Variants in SYNE2 observed in about 807,000 individuals in gnomAD.
SYNE2 encodes nesprin-2.
Under a neutral mutation model 856.3 loss-of-function variants are expected in SYNE2, and 431 were observed. The observed-to-expected ratio is 0.50, with a 90% CI of 0.47 to 0.55. The LOEUF is 0.55. Among genes scored for constraint, SYNE2 ranks in the 20% least tolerant of loss-of-function variants. The pLI, the probability that SYNE2 is intolerant of heterozygous loss-of-function variation, is 0.00. For synonymous variants in SYNE2, 2,923 were observed against 2,872.3 expected (o/e 1.02, Z -0.56); for missense variants, 8,129 against 8,023.2 (o/e 1.01, Z -0.50).
intron 60 of SYNE2, 95 bp from the exon 61 acceptor site, chr14:64,093,254 G>A: frequency 7.0e-7 from 1 of 1,426,444 alleles, no homozygotes; most frequent in Non-Finnish European, 9.8e-7. Flanking sequence ...TTTGCTGTGA[G>A]TGATTAAAAC....
At position 64,186,583 on chromosome 14, in the gene SYNE2, A is replaced by T; in HGVS notation, c.17712+4A>T. ...ATGGGAGGACCTCTGCTTAAGGGTA[A>T]GTCAGCTCACTGCAGGGCACGGCTG... On this transcript the variant is annotated splice_donor_region_variant and intron_variant, in intron 97 of 115. Coordinates refer to ENST00000555002, the MANE Select transcript of SYNE2 (RefSeq NM_182914.3). The T allele has an allele frequency of 6.2e-7, 1 of 1,614,164 alleles. No homozygotes were observed. The highest frequency in any genetic ancestry group is 8.5e-7 in the Non-Finnish European group (1 of 1,180,008).
intron 2 of SYNE2, among the ~76,000 whole-genome samples, chr14:63,933,928 G>A (rs1210505680): frequency 1.3e-5 from 2 of 152,130 alleles, no homozygotes; most frequent in African/African-American, 2.4e-5. Flanking sequence ...GCTATTTGGC[G>A]CTGGTTCCCA....
At chr14:64,061,427 G>A (rs1017971479) in intron 49 of SYNE2, among the ~76,000 whole-genome samples, 9 of 152,156 alleles carry the variant, frequency 5.9e-5, no homozygotes, top group African/African-American at 2.2e-4. Flanking sequence ...AAAAGGTTAT[G>A]TACATCTTAC....
At chr14:63,820,009 T>C (rs1338520889) in intron 1 of SYNE2, among the ~76,000 whole-genome samples, 1 of 152,030 alleles carries the variant, frequency 6.6e-6, no homozygotes, top group Non-Finnish European at 1.5e-5. Flanking sequence ...TAGAAGGAAT[T>C]AAAAGTCTTT....
rs944538946 is a variant in SYNE2 at position 64,170,404 on chromosome 14, T to C, written c.17177T>C (p.Val5726Ala). The C allele has an allele frequency of 7.4e-6, 12 of 1,614,050 alleles. No individual in the cohort carries two copies. The highest frequency in any genetic ancestry group is 9.3e-6 in the Non-Finnish European group (11 of 1,180,046). ...LTDTSHLLSA[V>A]KGQERFSLYQ... Reference sequence around the variant, plus strand: ...GACACCAGCCACCTGCTATCTGCAGTGAAGGGCCAGGAGCGCTTCAGCCTC... The same window carrying C: ...GACACCAGCCACCTGCTATCTGCAGCGAAGGGCCAGGAGCGCTTCAGCCTC... The change falls in exon 94 of 116, where the codon GTG becomes GCG. Residue 5726 changes from valine to alanine, a missense_variant. Coordinates refer to ENST00000555002, the MANE Select transcript of SYNE2 (RefSeq NM_182914.3).
At chr14:64,158,151 T>C (rs2098300421) in intron 85 of SYNE2, among the ~76,000 whole-genome samples, 1 of 152,226 alleles carries the variant, frequency 6.6e-6, no homozygotes, top group Non-Finnish European at 1.5e-5. Flanking sequence ...ATAATCAGAC[T>C]TAAGTGCCAG....
chr14:64,114,195 C>T (rs773367151), intron 66 of SYNE2, among the ~76,000 whole-genome samples: 25 of 152,052 alleles, frequency 1.6e-4, no homozygotes, highest in Non-Finnish European at 3.1e-4. Context: ...ACTTCCTTGC[C>T]GCTAGTCGCT....
At chr14:64,158,108 T>A (rs1272512754) in intron 85 of SYNE2, among the ~76,000 whole-genome samples, 1 of 152,232 alleles carries the variant, frequency 6.6e-6, no homozygotes, top group Non-Finnish European at 1.5e-5. Flanking sequence ...TGGTAGAGCA[T>A]GTTCCTCTCC....
intron 2 of SYNE2, among the ~76,000 whole-genome samples, chr14:63,916,802 C>G (rs577086181): frequency 6.6e-6 from 1 of 151,964 alleles, no homozygotes; most frequent in Non-Finnish European, 1.5e-5. Flanking sequence ...AAAAGCTTCT[C>G]GGCTGGTGCA....
intron 64 of SYNE2, among the ~76,000 whole-genome samples, chr14:64,106,897 T>C (rs2097775363): frequency 6.6e-6 from 1 of 152,250 alleles, no homozygotes; most frequent in African/African-American, 2.4e-5. Context: ...CTAGAATTTA[T>C]TGTTAGGAGT....
intron 53 of SYNE2, 69 bp downstream of exon 53, chr14:64,074,205 G>A (rs2097437562): frequency 6.6e-7 from 1 of 1,516,742 alleles, no homozygotes; most frequent in African/African-American, 1.4e-5. Flanking sequence ...AGTCCTTGGG[G>A]TAGAGATAAC....
intron 1 of SYNE2, among the ~76,000 whole-genome samples, chr14:63,900,200 T>A (rs1241907868): frequency 6.6e-6 from 1 of 152,226 alleles, no homozygotes; most frequent in Non-Finnish European, 1.5e-5. Context: ...TGTTGTGAGA[T>A]TGCAAGCCCA....
intron 61 of SYNE2, among the ~76,000 whole-genome samples, 194 bp from the exon 62 acceptor site, chr14:64,097,755 A>G (rs147803748): frequency 9.5e-4 from 145 of 152,352 alleles, no homozygotes; most frequent in Non-Finnish European, 1.4e-3. Context: ...CCTATAGCTT[A>G]TAAACCCTAC....
rs774713853 is a variant in SYNE2, at chr14:64,080,653, C to T, written c.11346+15C>T. The T allele has an allele frequency of 6.2e-6, 10 of 1,612,438 alleles. No individual in the cohort carries two copies. Among genetic ancestry groups the T allele is most frequent in the South Asian group, 3.3e-5 (3 of 90,854 alleles). On this transcript the variant is annotated intron_variant, in intron 56 of 115. Transcript: ENST00000555002. ...AGTTGAATAAGGTATGGCTGTGACT[C>T]GTAATAGCTTCATATCATGTGGTGG...
At chr14:64,196,472 A>G (rs553283078) in intron 99 of SYNE2, among the ~76,000 whole-genome samples, 14 of 152,168 alleles carry the variant, frequency 9.2e-5, no homozygotes, top group Non-Finnish European at 1.8e-4. Flanking sequence ...ATTTTTTTGC[A>G]CAAAGCAGAT....
chr14:64,113,723 C>A, intron 66 of SYNE2, 152 bp downstream of exon 66: 1 of 838,468 alleles, frequency 1.2e-6, no homozygotes, highest in Non-Finnish European at 1.9e-6. Flanking sequence ...CAGGGTAATT[C>A]TTTGAAATGC....
At chr14:64,055,090 A>G (rs758423220) in intron 48 of SYNE2, among the ~76,000 whole-genome samples, 7 of 152,214 alleles carry the variant, frequency 4.6e-5, no homozygotes, top group Non-Finnish European at 7.3e-5. Flanking sequence ...TATTTCAATG[A>G]GATGACTCAA....
At chr14:64,023,005 G>C (rs1215253423) in intron 38 of SYNE2, 142 bp downstream of exon 38, 4 of 637,344 alleles carry the variant, frequency 6.3e-6, no homozygotes, top group Non-Finnish European at 1.1e-5. Context: ...GAGGCTGGTG[G>C]ATCACTTGAG....
chr14:63,796,496 A>G lies in SYNE2; in HGVS notation c.-305+34510A>G, dbSNP rs1003748232. On this transcript the variant is annotated intron_variant, in intron 1 of 23. Coordinates refer to the SYNE2 transcript ENST00000674003. Reference sequence around the variant, plus strand: ...TTTTGATGAGATTTTAAAAGGTTTGATAAAGAAGAATCATTCAGAATCTCT... The same window carrying G: ...TTTTGATGAGATTTTAAAAGGTTTGGTAAAGAAGAATCATTCAGAATCTCT... 1.3e-4 allele frequency among the ~76,000 whole-genome samples: 19 copies of G among 151,896 alleles called. 1 individual carries two copies. The highest frequency in any genetic ancestry group is 4.4e-4 in the African/African-American group (18 of 41,364).
Sources: allele counts gnomAD v4.1 joint callset (sites outside exome capture counted in the v4.1 genomes callset), GRCh38; gene constraint gnomAD v4.1.1; transcripts MANE v1.5; gene names NCBI Gene and HGNC (gene_info 2026-07-23, HGNC 2026-07-21).